The following ATCAY variants were observed in gnomAD, a reference collection of about 807,000 sequenced individuals.
ATCAY encodes the protein caytaxin.
A neutral mutation model predicts 47.7 loss-of-function variants in ATCAY; 22 were observed. The observed-to-expected ratio is 0.46, with a 90% confidence interval of 0.33 to 0.66. ATCAY has a LOEUF of 0.66. Ranked by LOEUF, ATCAY falls within the 30% of genes least tolerant of loss-of-function variation. The probability of loss-of-function intolerance (pLI) is 0.02; values close to 1 mark genes in which losing one functional copy is unlikely to be tolerated. For synonymous variants in ATCAY, 216 were observed against 207.6 expected, an observed-to-expected ratio of 1.04 and a Z score of -0.35; for missense variants, 452 against 515.0, an observed-to-expected ratio of 0.88 and a Z score of 1.18.
intron 2 of ATCAY, among the ~76,000 whole-genome samples, chr19:3,900,608 C>G (rs2038807992): frequency 6.6e-6 from 1 of 152,124 alleles, no homozygotes; most frequent in Non-Finnish European, 1.5e-5. Context: ...ACGATCTCGG[C>G]TCACTGCAAC....
chr19:3,905,142 G>A (rs899018620), intron 3 of ATCAY, among the ~76,000 whole-genome samples: 2 of 152,194 alleles, frequency 1.3e-5, no homozygotes, highest in African/African-American at 4.8e-5. Context: ...ACAGGCGTGA[G>A]CCACCGCACC....
chr19:3,910,132 C>A (rs141629921), intron 7 of ATCAY, among the ~76,000 whole-genome samples: 1 of 152,034 alleles, frequency 6.6e-6, no homozygotes, highest in Admixed American at 6.6e-5. Context: ...GGCTCCGGCA[C>A]CCCCCATCCT....
At chr19:3,895,209 T>C (rs1361059266) in intron 2 of ATCAY, 1 of 456,032 alleles carries the variant, frequency 2.2e-6, no homozygotes, top group African/African-American at 2.0e-5. Flanking sequence ...TAAGAGCTAA[T>C]GCTGCAGTTT....
At chr19:3,901,778 C>A (rs1209661429) in intron 2 of ATCAY, among the ~76,000 whole-genome samples, 1 of 152,110 alleles carries the variant, frequency 6.6e-6, no homozygotes, top group African/African-American at 2.4e-5. Context: ...GGGCAGATCA[C>A]AAGGTCAGGA....
intron 2 of ATCAY, among the ~76,000 whole-genome samples, chr19:3,891,646 G>A (rs2038720198): frequency 6.6e-6 from 1 of 151,402 alleles, no homozygotes; most frequent in Admixed American, 6.6e-5. Flanking sequence ...CAAGCAGAGA[G>A]GGCAGCATGT....
At chr19:3,883,556 G>A (rs1027537682) in intron 1 of ATCAY, among the ~76,000 whole-genome samples, 2 of 152,212 alleles carry the variant, frequency 1.3e-5, no homozygotes, top group East Asian at 1.9e-4. Flanking sequence ...TTGGGACCCA[G>A]TCATTCTTGG....
chr19:3,913,677 C>A (rs72975179), intron 8 of ATCAY, 81 bp from the exon 9 acceptor site: 1 of 1,054,980 alleles, frequency 9.5e-7, no homozygotes, highest in South Asian at 1.4e-5. Context: ...GGATCCCTGT[C>A]GCCATGGCTC....
At chr19:3,919,418 C>T (rs1376856679) in intron 11 of ATCAY, among the ~76,000 whole-genome samples, 1 of 151,818 alleles carries the variant, frequency 6.6e-6, no homozygotes, top group Admixed American at 6.6e-5. Flanking sequence ...ATGGTGAAAC[C>T]CCATCTCTTC....
At chr19:3,908,164 G>T (rs2038882196) in intron 5 of ATCAY, 104 bp from the exon 6 acceptor site, 4 of 1,111,076 alleles carry the variant, frequency 3.6e-6, no homozygotes, top group Non-Finnish European at 5.3e-6. Context: ...TCGGAGCCAT[G>T]CCCTCCCGAG....
At chr19:3,896,559 G>A (rs549419158) in intron 2 of ATCAY, among the ~76,000 whole-genome samples, 3 of 151,342 alleles carry the variant, frequency 2.0e-5, no homozygotes, top group East Asian at 4.0e-4. Flanking sequence ...GAGCCCCTGC[G>A]CCCGGCCTGA....
chr19:3,889,438 T>TA (rs375239253), intron 2 of ATCAY, among the ~76,000 whole-genome samples: 9 of 150,346 alleles, frequency 6.0e-5, no homozygotes, highest in South Asian at 2.1e-4. Flanking sequence ...AAATAAAAAA[T>TA]AAAAAAAAAT....
At position 3,926,174 on chromosome 19, in the gene ATCAY, T is replaced by A. The variant is rs2039064532; in HGVS notation, c.*1582T>A. On this transcript the variant is annotated 3_prime_UTR_variant, in exon 13 of 13. Coordinates refer to ENST00000450849, the MANE Select transcript of ATCAY (RefSeq NM_033064.5). ...TACAAAAATTAGCCGGGCATGGTGG[T>A]GCATGCCTGTAATCCCAGCTACTCG... is the stretch of plus-strand genomic sequence containing the variant. The A allele has an allele frequency of 6.8e-6, 1 of 146,604 alleles. No individual in the cohort carries two copies. Among genetic ancestry groups the A allele is most frequent in the Non-Finnish European group, 1.5e-5 (1 of 66,602 alleles). The allele number at this position is 146,604 out of a possible 1,614,324, so 9.1% of individuals were successfully genotyped here.
At chr19:3,887,469 A>T (rs971709740) in intron 2 of ATCAY, among the ~76,000 whole-genome samples, 2 of 150,078 alleles carry the variant, frequency 1.3e-5, no homozygotes, top group African/African-American at 2.4e-5. Flanking sequence ...ATTTTATTTT[A>T]TTTTTTTTAT....
rs532316280 is a variant in ATCAY at position 3,928,077 on chromosome 19, T to C, written c.*3485T>C. ...TTATGTGGAATAAAGAAACTATCAC[T>C]GAGAAGGGAGGTTTGTTCCTTTTGA... On this transcript the variant is annotated 3_prime_UTR_variant, in exon 13 of 13. Coordinates refer to ENST00000450849, the MANE Select transcript of ATCAY (RefSeq NM_033064.5). The C allele has an allele frequency of 8.5e-5, 13 of 152,246 alleles. No homozygotes were observed. Among genetic ancestry groups the C allele is most frequent in the African/African-American group, 3.1e-4 (13 of 41,540 alleles). 9.4% of individuals were successfully genotyped at this position (152,246 alleles called of 1,614,324 possible).
chr19:3,909,411 C>A, intron 6 of ATCAY, 75 bp from the exon 7 acceptor site: 1 of 1,487,984 alleles, frequency 6.7e-7, no homozygotes, highest in Non-Finnish European at 9.0e-7. Flanking sequence ...TGGAGGCAGG[C>A]AGGGTCGGCA....
In ATCAY at chr19:3,905,666, G is replaced by T; in HGVS notation, c.358+11G>T. On this transcript the variant is annotated intron_variant, in intron 4 of 12. Coordinates refer to ENST00000450849, the MANE Select transcript of ATCAY (RefSeq NM_033064.5). ...AACTGGAGTGGGAAGGTAAAGTTCAGGGTCTCTCTGGGGCCTGCTGGAGCC... is the reference window on the plus strand; with the variant it reads ...AACTGGAGTGGGAAGGTAAAGTTCATGGTCTCTCTGGGGCCTGCTGGAGCC... The T allele has an allele frequency of 6.2e-7, 1 of 1,609,574 alleles. No homozygotes were observed. The highest frequency in any genetic ancestry group is 1.1e-5 in the South Asian group (1 of 90,866).
intron 12 of ATCAY, chr19:3,922,202 G>A (rs1298425420): frequency 1.4e-6 from 1 of 701,814 alleles, no homozygotes; most frequent in Non-Finnish European, 2.6e-6. Flanking sequence ...CGTGGCCCAA[G>A]TTCCAACCCT....
intron 9 of ATCAY, 88 bp downstream of exon 9, chr19:3,913,944 G>C: frequency 8.0e-7 from 1 of 1,245,838 alleles, no homozygotes; most frequent in East Asian, 2.5e-5. Flanking sequence ...ATTTACAAAA[G>C]AGGTTTAAGG....
chr19:3,923,678 T>C (rs1245818671), intron 12 of ATCAY, among the ~76,000 whole-genome samples: 1 of 146,786 alleles, frequency 6.8e-6, no homozygotes, highest in East Asian at 2.1e-4. Flanking sequence ...GGCATATGGA[T>C]GGGTAAATGG....
Sources: gnomAD v4.1 joint callset for allele counts (sites outside exome capture counted in the v4.1 genomes callset) on GRCh38, gnomAD v4.1.1 for gene constraint, MANE v1.5 for transcripts, NCBI Gene and HGNC (gene_info 2026-07-23, HGNC 2026-07-21) for gene names.